JAK2: variants seen among roughly 807,000 people sequenced by gnomAD.
JAK2 encodes Janus kinase 2.
JAK2 carries 86 observed loss-of-function variants against 139.3 expected under a neutral mutation model. The ratio of observed to expected loss-of-function variants is 0.62; its 90% CI spans 0.52 to 0.74. The LOEUF (loss-of-function observed/expected upper bound fraction) is 0.74, where lower values mean the gene tolerates loss of function less well. Among genes scored for constraint, JAK2 ranks in the 30% least tolerant of loss-of-function variants. JAK2 has a pLI of 0.00. For missense variants in JAK2, 1,421 were observed against 1,360.3 expected, an observed-to-expected ratio of 1.04 and a Z score of -0.70; for synonymous variants, 490 against 437.7, an observed-to-expected ratio of 1.12 and a Z score of -1.49.
chr9:5,078,885 CTT>C (rs1185489438), intron 16 of JAK2, among the ~76,000 whole-genome samples: 1 of 152,028 alleles, frequency 6.6e-6, no homozygotes, highest in Non-Finnish European at 1.5e-5. Context: ...CTTAAAAAAA[CTT>C]TGATTTGTGT....
intron 22 of JAK2, chr9:5,109,971 C>T (rs1822309829): frequency 6.6e-6 from 1 of 152,172 alleles, no homozygotes; most frequent in Admixed American, 6.5e-5. Flanking sequence ...AGCAGCCCTC[C>T]AAGCAGTCCT....
intron 22 of JAK2, among the ~76,000 whole-genome samples, chr9:5,115,820 C>T (rs896609140): frequency 2.0e-5 from 3 of 152,156 alleles, no homozygotes; most frequent in Non-Finnish European, 4.4e-5. Flanking sequence ...GAAAACCATA[C>T]ACCACTTGTT....
chr9:5,021,916 A>G (rs1822456611), intron 2 of JAK2, 47 bp from the exon 3 acceptor site: 2 of 1,135,238 alleles, frequency 1.8e-6, no homozygotes, highest in Middle Eastern at 3.9e-4. Context: ...TACAGGTGTG[A>G]GACACTGCGC....
At chr9:5,120,209 C>T (rs1244990164) in intron 22 of JAK2, among the ~76,000 whole-genome samples, 4 of 152,250 alleles carry the variant, frequency 2.6e-5, no homozygotes, top group South Asian at 4.1e-4. Context: ...AGTGGAAGGG[C>T]GAGAGGGGCC....
At chr9:5,098,042 T>A (rs1481861569) in intron 22 of JAK2, 1 of 152,172 alleles carries the variant, frequency 6.6e-6, no homozygotes, top group Non-Finnish European at 1.5e-5. Flanking sequence ...ATTTATCTCA[T>A]TAGCAGCAGT....
chr9:5,004,822 T>C (rs1821170509), intron 2 of JAK2, among the ~76,000 whole-genome samples: 1 of 152,168 alleles, frequency 6.6e-6, no homozygotes, highest in African/African-American at 2.4e-5. Context: ...TAAGGCTCAT[T>C]GTAACAGGCA....
intron 2 of JAK2, among the ~76,000 whole-genome samples, chr9:5,021,442 T>A (rs1822423054): frequency 6.6e-6 from 1 of 152,192 alleles, no homozygotes; most frequent in African/African-American, 2.4e-5. Context: ...GGTTGTTAAC[T>A]GGAATTTTAT....
intron 21 of JAK2, 72 bp from the exon 22 acceptor site, chr9:5,090,665 AAT>A: frequency 1.3e-6 from 2 of 1,519,440 alleles, no homozygotes; most frequent in East Asian, 4.6e-5. Flanking sequence ...TAATAAAGGG[AAT>A]ATATAGGGTT....
chr9:5,067,566 T>G (rs144421921), intron 10 of JAK2, among the ~76,000 whole-genome samples: 169 of 152,164 alleles, frequency 1.1e-3, no homozygotes, highest in African/African-American at 3.8e-3. Flanking sequence ...ACTTTACCTT[T>G]GTGTAAAACT....
Position 5,090,459 on chromosome 9 carries a change from A to C in JAK2, c.2775A>C (p.Leu925=). The change falls in exon 21 of 25, where the codon CTA becomes CTC. Residue 925 remains leucine, a synonymous_variant. Coordinates refer to ENST00000381652, the MANE Select transcript of JAK2 (RefSeq NM_004972.4). The stretch of plus-strand genomic sequence containing the variant: ...TTATGTTAAAAGGTCGGCGTAATCT[A>C]AAATTAATTATGGAATATTTACCAT... ...GVCYSAGRRN[L]KLIMEYLPYG... 2 of 1,564,424 alleles carry C rather than the reference A, an allele frequency of 1.3e-6. No homozygotes were observed.
intron 22 of JAK2, among the ~76,000 whole-genome samples, chr9:5,102,743 A>G (rs1030444004): frequency 1.5e-4 from 23 of 152,214 alleles, no homozygotes; most frequent in Admixed American, 6.5e-5. Flanking sequence ...AATATTCAAC[A>G]TTCTTAGAGA....
chr9:5,033,873 C>G (rs919971701), intron 4 of JAK2, among the ~76,000 whole-genome samples: 13 of 152,154 alleles, frequency 8.5e-5, no homozygotes, highest in Non-Finnish European at 1.6e-4. Context: ...AAGACCGGAT[C>G]AAATTCACCC....
intron 22 of JAK2, among the ~76,000 whole-genome samples, chr9:5,095,869 T>G (rs1217999636): frequency 6.6e-6 from 1 of 152,200 alleles, no homozygotes; most frequent in Non-Finnish European, 1.5e-5. Context: ...AACTACCACA[T>G]TTCTAGCACT....
At chr9:5,111,451 A>T in intron 22 of JAK2, 1 of 392,006 alleles carries the variant, frequency 2.6e-6, no homozygotes, top group Non-Finnish European at 5.0e-6. Flanking sequence ...CTGGTCTTCC[A>T]TCCTCGGCGT....
rs548443393 is a variant in JAK2, at chr9:5,064,772, T to C, written c.1057-111T>C. 179 of 713,122 alleles carry C rather than the reference T, an allele frequency of 2.5e-4. No individual in the cohort carries two copies. In the South Asian group the frequency reaches 3.7e-3, roughly 15 times the overall value. The allele number at this position is 713,122 out of a possible 1,614,324, so 44.2% of individuals were successfully genotyped here. A position where few individuals can be genotyped will look rare whatever the true frequency, so the allele number is the denominator to read the frequency against. On this transcript the variant is annotated intron_variant, in intron 8 of 24. Transcript: ENST00000381652. Reference sequence around the variant, plus strand: ...ATTGAGTACTGAGCCATAAAAGATATGAGCAATTTAGAAGAAAATTGTATT... The same window carrying C: ...ATTGAGTACTGAGCCATAAAAGATACGAGCAATTTAGAAGAAAATTGTATT...
At position 5,120,272 on chromosome 9, in the gene JAK2, A is replaced by G. The variant is rs75410559; in HGVS notation, c.3060-2732A>G. Among the ~76,000 whole-genome samples, 1,002 of 152,314 alleles carry G rather than the reference A, an allele frequency of 6.6e-3. 8 individuals carry two copies. The highest frequency in any genetic ancestry group is 0.022 in the African/African-American group (922 of 41,576). ...GCCTTAATCCTATTCATGAGGGAGAAGCCCTCATGGCGTAATCATCTCTTA... is the reference window on the plus strand; with the variant it reads ...GCCTTAATCCTATTCATGAGGGAGAGGCCCTCATGGCGTAATCATCTCTTA... On this transcript the variant is annotated intron_variant, in intron 22 of 24. Transcript: ENST00000381652.
chr9:5,024,662 T>C (rs1468021454), intron 3 of JAK2, among the ~76,000 whole-genome samples: 3 of 152,190 alleles, frequency 2.0e-5, no homozygotes, highest in South Asian at 2.1e-4. Flanking sequence ...AGTGTGTTTA[T>C]TGTTTGCCTC....
chr9:5,096,391 T>TA lies in JAK2; in HGVS notation c.3059+5482dup, dbSNP rs1170232583. Among the ~76,000 whole-genome samples the TA allele has an allele frequency of 3.3e-5, 5 of 152,188 alleles. No homozygotes were observed. The East Asian group carries it at 9.6e-4, about 29-fold the overall frequency. ...TCAGTTGAACGCAAATCAACCACTT[T>TA]AATTAAGCTAAGTCCTTGCTAGATC... On this transcript the variant is annotated intron_variant, in intron 22 of 24. Coordinates refer to ENST00000381652, the MANE Select transcript of JAK2 (RefSeq NM_004972.4).
intron 22 of JAK2, among the ~76,000 whole-genome samples, chr9:5,118,633 C>A (rs925210747): frequency 3.9e-5 from 6 of 152,084 alleles, no homozygotes; most frequent in Non-Finnish European, 7.4e-5. Context: ...AGCATAAATT[C>A]TGTGTTCATT....
Sources: allele counts gnomAD v4.1 joint callset (sites outside exome capture counted in the v4.1 genomes callset), GRCh38; gene constraint gnomAD v4.1.1; transcripts MANE v1.5; gene names NCBI Gene and HGNC (gene_info 2026-07-23, HGNC 2026-07-21).